The following GORASP2 variants were observed in gnomAD, a reference collection of about 807,000 sequenced individuals.
The protein encoded by GORASP2 is golgi reassembly stacking protein 2.
GORASP2 carries 22 observed loss-of-function variants against 45.7 expected under a neutral mutation model. The observed-to-expected ratio is 0.48, with a 90% CI of 0.34 to 0.69. The LOEUF (loss-of-function observed/expected upper bound fraction) is 0.69. GORASP2 is among the 30% of genes least tolerant of loss of function. GORASP2 has a pLI of 0.01. For missense variants in GORASP2, 491 were observed against 562.7 expected (o/e 0.87, Z 1.29); for synonymous variants, 221 against 215.6 (o/e 1.02, Z -0.22).
chr2:170,951,484 A>G, intron 5 of GORASP2, 26 bp downstream of exon 5: 3 of 1,566,218 alleles, frequency 1.9e-6, no homozygotes, highest in Non-Finnish European at 2.6e-6. Flanking sequence ...AGACTAAGTT[A>G]TGACTGCTTA....
At chr2:170,931,975 C>A (rs1056681451) in intron 1 of GORASP2, among the ~76,000 whole-genome samples, 2 of 152,210 alleles carry the variant, frequency 1.3e-5, no homozygotes, top group African/African-American at 4.8e-5. Context: ...CACCTGTAAT[C>A]CCCACTTTGG....
At chr2:170,961,613 T>G in intron 7 of GORASP2, 50 bp from the exon 8 acceptor site, 1 of 991,476 alleles carries the variant, frequency 1.0e-6, no homozygotes, top group Non-Finnish European at 1.6e-6. Flanking sequence ...TCTGTTCATT[T>G]CTTGTCGACT....
chr2:170,931,826 AT>A (rs1421015229), intron 1 of GORASP2, among the ~76,000 whole-genome samples: 4 of 152,164 alleles, frequency 2.6e-5, no homozygotes, highest in Non-Finnish European at 5.9e-5. Flanking sequence ...ATGAGTGCAT[AT>A]TTTCAGATTG....
intron 1 of GORASP2, among the ~76,000 whole-genome samples, chr2:170,944,656 A>C (rs1704145763): frequency 6.6e-6 from 1 of 152,208 alleles, no homozygotes; most frequent in Non-Finnish European, 1.5e-5. Flanking sequence ...AGGGTGGCCT[A>C]GTAAGAATCA....
At chr2:170,951,556 T>A in intron 5 of GORASP2, 98 bp downstream of exon 5, 1 of 996,562 alleles carries the variant, frequency 1.0e-6, no homozygotes, top group South Asian at 1.8e-5. Flanking sequence ...AATTACTGGT[T>A]TATTTTAAGA....
At chr2:170,934,899 A>C (rs2195118) in intron 1 of GORASP2, among the ~76,000 whole-genome samples, 1 of 151,786 alleles carries the variant, frequency 6.6e-6, no homozygotes, top group African/African-American at 2.4e-5. Context: ...CACCGTGCCC[A>C]GCTAATTTTT....
chr2:170,937,559 C>G (rs570589325), intron 1 of GORASP2, among the ~76,000 whole-genome samples: 30 of 152,192 alleles, frequency 2.0e-4, no homozygotes, highest in Admixed American at 4.6e-4. Flanking sequence ...GTCCCAGGTA[C>G]TCAGGAGGCT....
At chr2:170,932,055 A>G (rs1703838054) in intron 1 of GORASP2, among the ~76,000 whole-genome samples, 1 of 152,228 alleles carries the variant, frequency 6.6e-6, no homozygotes, top group South Asian at 2.1e-4. Context: ...GTGAAACCCC[A>G]TCTCTATTAA....
chr2:170,950,440 A>AAC, intron 4 of GORASP2, 150 bp downstream of exon 4: 1 of 505,034 alleles, frequency 2.0e-6, no homozygotes, highest in Non-Finnish European at 3.5e-6. Flanking sequence ...TGTTAAATGG[A>AAC]ACATCTGGTA....
intron 6 of GORASP2, among the ~76,000 whole-genome samples, chr2:170,956,186 G>A (rs1044122937): frequency 1.1e-4 from 17 of 152,334 alleles, no homozygotes; most frequent in South Asian, 8.3e-4. Context: ...AGAACAGCAT[G>A]TGCAACTTGG....
Position 170,934,247 on chromosome 2 carries a change from G to GT in GORASP2, c.63+4855dup, listed in dbSNP as rs200425729. Among the ~76,000 whole-genome samples, 860 of 128,270 alleles carry GT rather than the reference G, an allele frequency of 6.7e-3. 9 individuals are homozygous for GT. Among genetic ancestry groups the GT allele is most frequent in the African/African-American group, 0.014 (504 of 37,286 alleles). The allele number at this position is 128,270 out of a possible 152,430, so 84.2% of individuals were successfully genotyped here. A position where few individuals can be genotyped will look rare whatever the true frequency, so the allele number is the denominator to read the frequency against. On this transcript the variant is annotated intron_variant, in intron 1 of 9. Transcript: ENST00000234160. The stretch of plus-strand genomic sequence containing the variant: ...CTCAAACTTTTGAAACTCATACCCT[G>GT]TTTTTTTTTTTGTTGTTGTTGTTGT...
chr2:170,936,003 A>G lies in GORASP2; in HGVS notation c.63+6600A>G, dbSNP rs754897438. Among the ~76,000 whole-genome samples, 13 of 152,178 alleles carry G rather than the reference A, an allele frequency of 8.5e-5. No individual in the cohort carries two copies. The East Asian group carries it at 2.1e-3, about 25-fold the overall frequency. ...GTTTCAGTAAGTAGTAGAGTGTACA[A>G]CACTGATTCTTCTGCCTTCTGGGTC... On this transcript the variant is annotated intron_variant, in intron 1 of 9. Transcript: ENST00000234160.
intron 1 of GORASP2, among the ~76,000 whole-genome samples, chr2:170,931,638 C>T (rs1368327246): frequency 6.6e-6 from 1 of 152,188 alleles, no homozygotes; most frequent in African/African-American, 2.4e-5. Flanking sequence ...ATTATAATAA[C>T]ATTTATATCC....
chr2:170,950,408 A>G, intron 4 of GORASP2, 118 bp downstream of exon 4: 1 of 546,882 alleles, frequency 1.8e-6, no homozygotes, highest in Admixed American at 3.8e-5. Context: ...TTTGCTGATC[A>G]AAAATAACTT....
At chr2:170,935,950 G>A (rs757242189) in intron 1 of GORASP2, among the ~76,000 whole-genome samples, 1 of 152,152 alleles carries the variant, frequency 6.6e-6, no homozygotes, top group South Asian at 2.1e-4. Context: ...TCTCACTGGG[G>A]GAGATCTGCT....
At chr2:170,930,258 A>G (rs1264105137) in intron 1 of GORASP2, among the ~76,000 whole-genome samples, 1 of 152,220 alleles carries the variant, frequency 6.6e-6, no homozygotes, top group Non-Finnish European at 1.5e-5. Context: ...GGGTGGTACA[A>G]AGCATGTGGT....
At chr2:170,950,968 A>G (rs1378182178) in intron 4 of GORASP2, among the ~76,000 whole-genome samples, 3 of 151,480 alleles carry the variant, frequency 2.0e-5, no homozygotes, top group Non-Finnish European at 2.9e-5. Context: ...GGCAACAGTT[A>G]GAGAGACCCT....
At chr2:170,937,335 A>C (rs1260555511) in intron 1 of GORASP2, among the ~76,000 whole-genome samples, 1 of 152,058 alleles carries the variant, frequency 6.6e-6, no homozygotes, top group African/African-American at 2.4e-5. Context: ...TAGCCTTCCA[A>C]GTAGTTGGGA....
intron 1 of GORASP2, among the ~76,000 whole-genome samples, chr2:170,933,718 G>A (rs1019437820): frequency 1.3e-5 from 2 of 151,970 alleles, no homozygotes; most frequent in Non-Finnish European, 2.9e-5. Flanking sequence ...AAAAGAGATG[G>A]GGAATAGCTG....
Sources: gnomAD v4.1 joint callset for allele counts (sites outside exome capture counted in the v4.1 genomes callset) on GRCh38, gnomAD v4.1.1 for gene constraint, MANE v1.5 for transcripts, NCBI Gene and HGNC (gene_info 2026-07-23, HGNC 2026-07-21) for gene names.